The following TMEM19 variants were observed in gnomAD, a reference collection of about 807,000 sequenced individuals.
The protein encoded by TMEM19 is transmembrane protein 19.
TMEM19 carries 21 observed loss-of-function variants against 33.6 expected under a neutral mutation model. The observed-to-expected ratio is 0.62, with a 90% CI of 0.44 to 0.90. The LOEUF (loss-of-function observed/expected upper bound fraction) is 0.90, where lower values mean the gene tolerates loss of function less well. Among genes scored for constraint, TMEM19 ranks in the 40% least tolerant of loss-of-function variants. The pLI, the probability that TMEM19 is intolerant of heterozygous loss-of-function variation, is 0.00. For synonymous variants in TMEM19, 149 were observed against 147.5 expected (o/e 1.01, Z -0.07); for missense variants, 402 against 401.8 (o/e 1.00, Z 0.00).
chr12:71,700,918 G>T lies in TMEM19; in HGVS notation c.934G>T (p.Ala312Ser). 2.5e-6 allele frequency: 4 copies of T among 1,613,734 alleles called. No homozygotes were observed. Among genetic ancestry groups the T allele is most frequent in the Non-Finnish European group, 1.7e-6 (2 of 1,179,832 alleles). Residue 312 changes from alanine to serine, a missense_variant, in exon 6 of 6, where the codon GCA (alanine) becomes TCA (serine). Transcript: ENST00000266673. Reference protein sequence around the residue: ...IAGKPILDNNAVNLFSSVLIA... With the variant: ...IAGKPILDNNSVNLFSSVLIA... ...AGGGAAACCCATTCTTGATAACAAC[G>T]CAGTGAATCTGTTTTCTTCTGTTCT...
intron 4 of TMEM19, among the ~76,000 whole-genome samples, chr12:71,698,608 AGAGAGAG>A (rs1881919273): frequency 6.1e-4 from 1 of 1,636 alleles, no homozygotes; most frequent in African/African-American, 2.8e-3. Context: ...GTCTCTGAAA[AGAGAGAG>A]AGAGAGAGAG....
intron 2 of TMEM19, among the ~76,000 whole-genome samples, chr12:71,691,861 G>C (rs940324409): frequency 3.9e-5 from 6 of 151,972 alleles, no homozygotes; most frequent in Non-Finnish European, 8.8e-5. Context: ...ATATTGTCCT[G>C]CTTCTCTGAC....
In TMEM19 at chr12:71,703,181, C is replaced by T. The variant is rs1219994030; in HGVS notation, c.*2186C>T. On this transcript the variant is annotated 3_prime_UTR_variant, in exon 6 of 6. Coordinates refer to ENST00000266673, the MANE Select transcript of TMEM19 (RefSeq NM_018279.4). ...AACAGAGGGAGACTCCATCTAGACT[C>T]CATCTCAAAAAAAAAAAAAAAAAAA... The T allele has an allele frequency of 1.5e-5, 1 of 67,242 alleles. No homozygotes were observed. The highest frequency in any genetic ancestry group is 2.6e-5 in the Non-Finnish European group (1 of 37,750). The allele number at this position is 67,242 out of a possible 1,614,324, so 4.2% of individuals were successfully genotyped here. A position where few individuals can be genotyped will look rare whatever the true frequency, so the allele number is the denominator to read the frequency against.
At chr12:71,689,279 C>T (rs1721461435) in intron 1 of TMEM19, among the ~76,000 whole-genome samples, 1 of 152,164 alleles carries the variant, frequency 6.6e-6, no homozygotes, top group South Asian at 2.1e-4. Context: ...AGTACAGTAA[C>T]ATGCTTTACA....
In TMEM19 at chr12:71,697,509, A is replaced by G. The variant is rs778397424; in HGVS notation, c.612A>G (p.Ile204Met). The G allele has an allele frequency of 5.1e-6, 8 of 1,580,456 alleles. No homozygotes were observed. Among genetic ancestry groups the G allele is most frequent in the African/African-American group, 1.4e-5 (1 of 72,720 alleles). The stretch of plus-strand genomic sequence containing the variant: ...TGAGTAAAAGTTCTCCAAGACTGAT[A>G]ACAACCTGGGAGAAAGTTCCAGTTG... ...PVLSKSSPRL[I>M]TTWEKVPVGT... The change falls in exon 4 of 6, where the codon ATA (isoleucine) becomes ATG (methionine). Residue 204 changes from isoleucine (I) to methionine (M), a missense_variant. Coordinates refer to ENST00000266673, the MANE Select transcript of TMEM19 (RefSeq NM_018279.4).
At chr12:71,693,645 T>C (rs892350350) in intron 2 of TMEM19, among the ~76,000 whole-genome samples, 3 of 152,206 alleles carry the variant, frequency 2.0e-5, no homozygotes, top group Non-Finnish European at 4.4e-5. Context: ...CCACTACTGC[T>C]ATTCACAGTG....
intron 5 of TMEM19, chr12:71,699,667 A>G (rs533882145): frequency 6.4e-6 from 1 of 155,076 alleles, no homozygotes; most frequent in South Asian, 2.0e-4. Flanking sequence ...CCTGGCCAAC[A>G]TGGTGAAACC....
chr12:71,695,842 C>T (rs1881861572), intron 2 of TMEM19, among the ~76,000 whole-genome samples: 1 of 152,142 alleles, frequency 6.6e-6, no homozygotes, highest in Non-Finnish European at 1.5e-5. Flanking sequence ...CTGTTCAACT[C>T]CAGAGCTGAA....
chr12:71,696,610 T>G (rs1247580243), intron 3 of TMEM19, 37 bp downstream of exon 3: 1 of 1,508,840 alleles, frequency 6.6e-7, no homozygotes, highest in Admixed American at 2.2e-5. Context: ...AATAGTAAAC[T>G]TCATTTAATC....
intron 5 of TMEM19, chr12:71,699,342 A>G: frequency 1.7e-6 from 1 of 602,692 alleles, no homozygotes; most frequent in Non-Finnish European, 2.9e-6. Flanking sequence ...GGGAAGATAC[A>G]ATAGTGCAGA....
chr12:71,686,552 T>G lies in TMEM19; in HGVS notation c.-129T>G. 1 of 1,064,122 alleles carries G rather than the reference T, an allele frequency of 9.4e-7. No individual in the cohort carries two copies. Among genetic ancestry groups the G allele is most frequent in the African/African-American group, 1.6e-5 (1 of 60,736 alleles). The allele number at this position is 1,064,122 out of a possible 1,614,324, so 65.9% of individuals were successfully genotyped here. A position where few individuals can be genotyped will look rare whatever the true frequency, so the allele number is the denominator to read the frequency against. ...GTTTGAATTTTTGTGATTTTTATGC[T>G]TGTTTGGTCGGTGGAATATGTTGGG... On this transcript the variant is annotated 5_prime_UTR_variant, in exon 1 of 6. Transcript: ENST00000266673.
At chr12:71,687,707 A>G (rs2137590648) in intron 1 of TMEM19, among the ~76,000 whole-genome samples, 1 of 152,346 alleles carries the variant, frequency 6.6e-6, no homozygotes, top group South Asian at 2.1e-4. Context: ...TTTAAAGCCT[A>G]AAGCTACATT....
intron 2 of TMEM19, among the ~76,000 whole-genome samples, chr12:71,690,722 C>T (rs1881770961): frequency 6.6e-6 from 1 of 152,152 alleles, no homozygotes; most frequent in Non-Finnish European, 1.5e-5. Context: ...CTACGGAGGT[C>T]ATTTTGCACT....
At chr12:71,698,013 G>C (rs1881905270) in intron 4 of TMEM19, among the ~76,000 whole-genome samples, 1 of 152,180 alleles carries the variant, frequency 6.6e-6, no homozygotes, top group African/African-American at 2.4e-5. Context: ...GAACATTTCA[G>C]ATTTACGATT....
At chr12:71,690,995 CA>C (rs1881775973) in intron 2 of TMEM19, among the ~76,000 whole-genome samples, 1 of 152,120 alleles carries the variant, frequency 6.6e-6, no homozygotes, top group Admixed American at 6.5e-5. Flanking sequence ...GAGGGAACCC[CA>C]AATTATATAA....
intron 4 of TMEM19, 49 bp downstream of exon 4, chr12:71,697,583 C>T: frequency 6.6e-7 from 1 of 1,511,794 alleles, no homozygotes. Context: ...GTTGGTGAGT[C>T]TTGATTTGAG....
rs1881690352 is a variant in TMEM19 at position 71,686,466 on chromosome 12, T to A, written c.-215T>A. 1 of 435,434 alleles carries A rather than the reference T, an allele frequency of 2.3e-6. No homozygotes were observed. The highest frequency in any genetic ancestry group is 4.0e-6 in the Non-Finnish European group (1 of 252,444). 27.0% of individuals were successfully genotyped at this position (435,434 alleles called of 1,614,324 possible). A position where few individuals can be genotyped will look rare whatever the true frequency, so the allele number is the denominator to read the frequency against. On this transcript the variant is annotated 5_prime_UTR_variant, in exon 1 of 6. Coordinates refer to ENST00000266673, the MANE Select transcript of TMEM19 (RefSeq NM_018279.4). Reference sequence around the variant, plus strand: ...GCCGGGTTGCGCTCTGCTTTTGCGGTGAGGCGTTGACCACGCCCATATGAA... The same window carrying A: ...GCCGGGTTGCGCTCTGCTTTTGCGGAGAGGCGTTGACCACGCCCATATGAA...
At position 71,686,090 on chromosome 12, in the gene TMEM19, AG is replaced by A. The variant is rs1592616794; in HGVS notation, c.-590del. 1 of 160,862 alleles carries A rather than the reference AG, an allele frequency of 6.2e-6. No individual in the cohort carries two copies. The highest frequency in any genetic ancestry group is 1.9e-4 in the East Asian group (1 of 5,214). The allele number at this position is 160,862 out of a possible 1,614,324, so 10.0% of individuals were successfully genotyped here. A position where few individuals can be genotyped will look rare whatever the true frequency, so the allele number is the denominator to read the frequency against. On this transcript the variant is annotated 5_prime_UTR_variant, in exon 1 of 6. It introduces an in-frame stop codon into an upstream open reading frame of the 5' UTR. Transcript: ENST00000266673. The stretch of plus-strand genomic sequence containing the variant: ...CTAAGCGGCTGCGGCGCATGCCCAC[AG>A]CGGGCGAGGCGCTAGAGGCGGGGGC...
intron 2 of TMEM19, among the ~76,000 whole-genome samples, chr12:71,691,605 C>CAAAAAAAAAAAAAAAAAAAAAAAAA (rs57138830): frequency 2.0e-5 from 1 of 49,492 alleles, no homozygotes; most frequent in African/African-American, 5.0e-5. Flanking sequence ...TTCACCTCTA[C>CAAAAAAAAAAAAAAAAAAAAAAAAA]AAAAAAAAAA....
Sources: gnomAD v4.1 joint callset for allele counts (sites outside exome capture counted in the v4.1 genomes callset) on GRCh38, gnomAD v4.1.1 for gene constraint, MANE v1.5 for transcripts, NCBI Gene and HGNC (gene_info 2026-07-23, HGNC 2026-07-21) for gene names.